SLC12A7: variants seen among roughly 807,000 people sequenced by gnomAD.
SLC12A7 encodes the protein solute carrier family 12 member 7.
Under a neutral mutation model 120.6 loss-of-function variants are expected in SLC12A7, and 100 were observed. That is an observed-to-expected ratio of 0.83 (90% CI 0.71 to 0.98). The LOEUF is 0.98. Ranked by LOEUF, SLC12A7 falls within the 50% of genes least tolerant of loss-of-function variation. The pLI is 0.00. For synonymous variants in SLC12A7, 760 were observed against 678.0 expected (o/e 1.12, Z -1.88); for missense variants, 1,373 against 1,548.1 (o/e 0.89, Z 1.90).
intron 21 of SLC12A7, among the ~76,000 whole-genome samples, chr5:1,058,769 G>T (rs970775132): frequency 2.0e-5 from 3 of 152,222 alleles, no homozygotes; most frequent in African/African-American, 7.2e-5. Flanking sequence ...GGCCTTGAAC[G>T]TGAAACCAGA....
the SLC12A7 span, among the ~76,000 whole-genome samples, chr5:1,120,250 T>C: frequency 6.6e-6 from 1 of 152,222 alleles, no homozygotes; most frequent in South Asian, 2.1e-4. Context: ...GAAGACGCTC[T>C]CAAGGGCAGG....
intron 6 of SLC12A7, among the ~76,000 whole-genome samples, chr5:1,086,680 G>A (rs947088627): frequency 3.9e-5 from 6 of 152,246 alleles, no homozygotes; most frequent in Admixed American, 6.5e-5. Flanking sequence ...CACGCCTCAC[G>A]GAGGGCAGCA....
chr5:1,085,332 CA>C lies in SLC12A7; in HGVS notation c.816del (p.Tyr272Ter). On this transcript the variant is annotated frameshift_variant, in exon 7 of 24. Transcript: ENST00000264930. LOFTEE classifies it high-confidence loss of function. ...MALVVFVGVK[Y>X]VNKLALVFLA... Reference sequence around the variant, plus strand: ...AGGAAGACCAGCGCCAGCTTGTTGACATACTTGACGCCCACGAAGACCACCA... The same window carrying C: ...AGGAAGACCAGCGCCAGCTTGTTGACTACTTGACGCCCACGAAGACCACCA... The C allele has an allele frequency of 6.2e-7, 1 of 1,612,576 alleles. No homozygotes were observed. Among genetic ancestry groups the C allele is most frequent in the Non-Finnish European group, 8.5e-7 (1 of 1,179,808 alleles).
At chr5:1,148,730 A>G in the SLC12A7 span, among the ~76,000 whole-genome samples, 1 of 152,256 alleles carries the variant, frequency 6.6e-6, no homozygotes, top group Non-Finnish European at 1.5e-5. Flanking sequence ...GACGGTTGAC[A>G]TCGGGTTCCC....
At chr5:1,061,066 C>CGGCTCATGGGAGTTGGGAGCAGCTGT (rs1736168086) in intron 20 of SLC12A7, among the ~76,000 whole-genome samples, 1 of 121,200 alleles carries the variant, frequency 8.3e-6, no homozygotes, top group African/African-American at 3.3e-5. Flanking sequence ...CCGCCGCACC[C>CGGCTCATGGGAGTTGGGAGCAGCTGT]GCCGCACCTG....
At chr5:1,150,413 C>T in the SLC12A7 span, among the ~76,000 whole-genome samples, 1 of 152,152 alleles carries the variant, frequency 6.6e-6, no homozygotes, top group African/African-American at 2.4e-5. Flanking sequence ...GGGTGGAGCC[C>T]TGCACCAAGG....
At chr5:1,126,300 G>A in the SLC12A7 span, among the ~76,000 whole-genome samples, 1 of 152,172 alleles carries the variant, frequency 6.6e-6, no homozygotes, top group South Asian at 2.1e-4. Context: ...TGTTGGCCAG[G>A]CTGGTCTTGA....
At chr5:1,122,448 T>C in the SLC12A7 span, among the ~76,000 whole-genome samples, 1 of 152,246 alleles carries the variant, frequency 6.6e-6, no homozygotes, top group Non-Finnish European at 1.5e-5. Context: ...TTAACTTTGC[T>C]TTTTCCTTTT....
intron 1 of SLC12A7, among the ~76,000 whole-genome samples, chr5:1,100,631 C>T (rs1318895321): frequency 2.0e-5 from 3 of 152,210 alleles, no homozygotes; most frequent in East Asian, 1.9e-4. Context: ...GTGCTGTTGA[C>T]GCGTGTGCCC....
At chr5:1,152,763 C>T in the SLC12A7 span, among the ~76,000 whole-genome samples, 2 of 152,128 alleles carry the variant, frequency 1.3e-5, no homozygotes, top group Admixed American at 1.3e-4. Flanking sequence ...GTGTGGATTC[C>T]TGCATTGAAA....
chr5:1,078,044 G>C (rs1046849091), intron 11 of SLC12A7, 37 bp from the exon 12 acceptor site: 6 of 1,532,346 alleles, frequency 3.9e-6, no homozygotes, highest in Admixed American at 4.2e-5. Flanking sequence ...GCGGCTTTCA[G>C]AAGTGAGCCT....
At chr5:1,110,639 A>G (rs1308897352) in intron 1 of SLC12A7, among the ~76,000 whole-genome samples, 1 of 152,236 alleles carries the variant, frequency 6.6e-6, no homozygotes, top group Non-Finnish European at 1.5e-5. Context: ...AGACCACGCC[A>G]GGGCCCACAC....
At chr5:1,080,131 C>T (rs914584493) in intron 9 of SLC12A7, among the ~76,000 whole-genome samples, 21 of 151,778 alleles carry the variant, frequency 1.4e-4, no homozygotes, top group African/African-American at 1.9e-4. Context: ...CGGAGACACC[C>T]GGAGCCACGC....
upstream of SLC12A7, among the ~76,000 whole-genome samples, chr5:1,115,324 G>A (rs779283327): frequency 6.6e-6 from 1 of 152,194 alleles, no homozygotes; most frequent in Non-Finnish European, 1.5e-5. Context: ...TAATGGATTA[G>A]GACGGACACC....
rs756099805 is a variant in SLC12A7, at chr5:1,078,764, G to A, written c.1397-6C>T. The A allele has an allele frequency of 1.3e-6, 2 of 1,593,798 alleles. No homozygotes were observed. Among genetic ancestry groups the A allele is most frequent in the South Asian group, 2.2e-5 (2 of 90,796 alleles). ...CAGCACAATGCAGGAGAGATCCACA[G>A]CCCTCGTCAAGGAAAGGCAGGTCCG... is the stretch of plus-strand genomic sequence containing the variant. On this transcript the variant is annotated splice_region_variant and splice_polypyrimidine_tract_variant and intron_variant, in intron 10 of 23. Transcript: ENST00000264930.
Position 1,051,184 on chromosome 5 carries a change from C to T in SLC12A7, c.*1176G>A. ...AAAGTGTTGGGCCCTTGAAAGCTAT[C>T]TCTTCAGTGCCACCGCCGCCTCCAT... On this transcript the variant is annotated 3_prime_UTR_variant, in exon 24 of 24. Coordinates refer to ENST00000264930, the MANE Select transcript of SLC12A7 (RefSeq NM_006598.3). The T allele has an allele frequency of 2.7e-6, 1 of 370,132 alleles. No individual in the cohort carries two copies. Among genetic ancestry groups the T allele is most frequent in the Non-Finnish European group, 4.8e-6 (1 of 208,320 alleles). 22.9% of individuals were successfully genotyped at this position (370,132 alleles called of 1,614,324 possible). A position where few individuals can be genotyped will look rare whatever the true frequency, so the allele number is the denominator to read the frequency against.
At chr5:1,133,755 C>T in the SLC12A7 span, among the ~76,000 whole-genome samples, 1 of 152,136 alleles carries the variant, frequency 6.6e-6, no homozygotes, top group African/African-American at 2.4e-5. Context: ...ATCTCAGAGG[C>T]TGAGGTTGGG....
chr5:1,079,367 G>A (rs767372237), intron 10 of SLC12A7, 31 bp downstream of exon 10: 6 of 1,568,848 alleles, frequency 3.8e-6, no homozygotes, highest in African/African-American at 1.4e-5. Flanking sequence ...GGCAGAGGCT[G>A]GAACCCTCGC....
At chr5:1,115,100 A>G (rs751730280), upstream of SLC12A7, among the ~76,000 whole-genome samples, 3 of 152,204 alleles carry the variant, frequency 2.0e-5, no homozygotes, top group Non-Finnish European at 4.4e-5. Flanking sequence ...CTTTCCAAGC[A>G]TCGGTGTCCA....
Sources: allele counts gnomAD v4.1 joint callset (sites outside exome capture counted in the v4.1 genomes callset), GRCh38; gene constraint gnomAD v4.1.1; transcripts MANE v1.5; gene names NCBI Gene and HGNC (gene_info 2026-07-23, HGNC 2026-07-21).